The following CLSTN2 variants were observed in gnomAD, a reference collection of about 807,000 sequenced individuals.
The protein encoded by CLSTN2 is calsyntenin 2, also known as calsyntenin-2.
Under a neutral mutation model 101.2 loss-of-function variants are expected in CLSTN2, and 48 were observed. The observed-to-expected ratio is 0.47, with a 90% CI of 0.38 to 0.60. CLSTN2 has a LOEUF of 0.60. CLSTN2 is among the 20% of genes least tolerant of loss of function. The pLI is 0.00. For missense variants in CLSTN2, 1,160 were observed against 1,238.2 expected (o/e 0.94, Z 0.95); for synonymous variants, 481 against 463.6 (o/e 1.04, Z -0.48).
intron 2 of CLSTN2, among the ~76,000 whole-genome samples, chr3:140,313,725 G>A (rs1208658381): frequency 6.6e-6 from 1 of 152,220 alleles, no homozygotes; most frequent in South Asian, 2.1e-4. Flanking sequence ...AGTGAAGTGT[G>A]TCATGGGTAA....
chr3:140,270,382 C>T (rs1193484256), intron 2 of CLSTN2, among the ~76,000 whole-genome samples: 1 of 152,162 alleles, frequency 6.6e-6, no homozygotes, highest in Admixed American at 6.5e-5. Context: ...CTGTGGGAGA[C>T]AGGATGCTTT....
chr3:140,198,554 G>T (rs932960345), intron 2 of CLSTN2, among the ~76,000 whole-genome samples: 1 of 152,144 alleles, frequency 6.6e-6, no homozygotes, highest in African/African-American at 2.4e-5. Context: ...CTGGCTGTCA[G>T]CTGGGGGATG....
At chr3:140,048,946 T>C (rs2007935570) in intron 1 of CLSTN2, among the ~76,000 whole-genome samples, 1 of 152,202 alleles carries the variant, frequency 6.6e-6, no homozygotes, top group South Asian at 2.1e-4. Context: ...CCCTCCCGAT[T>C]TGACCAGCGG....
At chr3:139,990,064 T>C (rs1388376519) in intron 1 of CLSTN2, among the ~76,000 whole-genome samples, 1 of 152,212 alleles carries the variant, frequency 6.6e-6, no homozygotes, top group African/African-American at 2.4e-5. Flanking sequence ...CCTGTGAATC[T>C]TTTGTTGCTT....
At chr3:140,133,374 C>T (rs1474131303) in intron 1 of CLSTN2, among the ~76,000 whole-genome samples, 1 of 152,196 alleles carries the variant, frequency 6.6e-6, no homozygotes, top group Admixed American at 6.5e-5. Flanking sequence ...ATATCCAAAC[C>T]ATATCAGCAT....
chr3:139,998,336 CTTTTT>C (rs60541490), intron 1 of CLSTN2, among the ~76,000 whole-genome samples: 3 of 66,814 alleles, frequency 4.5e-5, no homozygotes, highest in East Asian at 6.5e-4. Context: ...CCCCACATGC[CTTTTT>C]TTTTTTTTTT....
chr3:140,103,364 G>A (rs985572611), intron 1 of CLSTN2, among the ~76,000 whole-genome samples: 3 of 152,162 alleles, frequency 2.0e-5, no homozygotes, highest in African/African-American at 7.2e-5. Flanking sequence ...AGAAGAGGCA[G>A]CTACCCCCTC....
chr3:140,177,719 G>A (rs1366248961), intron 2 of CLSTN2, among the ~76,000 whole-genome samples: 2 of 152,168 alleles, frequency 1.3e-5, no homozygotes, highest in African/African-American at 4.8e-5. Flanking sequence ...CTTGACTCAA[G>A]GAATTTTAGA....
chr3:140,071,856 T>C (rs1322905834), intron 1 of CLSTN2, among the ~76,000 whole-genome samples: 5 of 151,432 alleles, frequency 3.3e-5, no homozygotes, highest in African/African-American at 1.2e-4. Flanking sequence ...AATAAATAAA[T>C]AAATAAAAAA....
At chr3:140,552,405 A>ATT (rs1935720297) in intron 10 of CLSTN2, among the ~76,000 whole-genome samples, 2 of 150,402 alleles carry the variant, frequency 1.3e-5, no homozygotes, top group East Asian at 2.0e-4. Context: ...GCAGTTTAAA[A>ATT]AAAAAAAAAA....
chr3:140,557,585 G>A (rs142524524), intron 11 of CLSTN2, among the ~76,000 whole-genome samples: 2 of 152,272 alleles, frequency 1.3e-5, no homozygotes, highest in Non-Finnish European at 2.9e-5. Context: ...CCTGGCACAA[G>A]TGGGAGAAAA....
At chr3:140,052,390 T>C (rs2008014061) in intron 1 of CLSTN2, among the ~76,000 whole-genome samples, 1 of 152,154 alleles carries the variant, frequency 6.6e-6, no homozygotes, top group African/African-American at 2.4e-5. Flanking sequence ...ACTCCTGACC[T>C]AGTGATCCAC....
intron 1 of CLSTN2, among the ~76,000 whole-genome samples, chr3:140,098,508 G>A (rs193300369): frequency 5.7e-4 from 87 of 152,362 alleles, no homozygotes; most frequent in East Asian, 3.9e-3. Context: ...GGGAGACAGA[G>A]AAAGAGCTAT....
chr3:139,964,728 T>A (rs1447353833), intron 1 of CLSTN2, among the ~76,000 whole-genome samples: 1 of 152,188 alleles, frequency 6.6e-6, no homozygotes, highest in African/African-American at 2.4e-5. Flanking sequence ...CCCAGGAACC[T>A]GGACATTGTG....
At chr3:140,416,394 CAAG>C (rs1237424796) in intron 4 of CLSTN2, among the ~76,000 whole-genome samples, 1 of 151,970 alleles carries the variant, frequency 6.6e-6, no homozygotes, top group Non-Finnish European at 1.5e-5. Context: ...CACACACACA[CAAG>C]AAAGGTAACT....
intron 2 of CLSTN2, among the ~76,000 whole-genome samples, chr3:140,358,381 G>A (rs1380000401): frequency 6.6e-6 from 1 of 152,104 alleles, no homozygotes; most frequent in African/African-American, 2.4e-5. Context: ...TCCTTTTGGG[G>A]GAATTTTTAA....
At chr3:140,458,712 A>T (rs937119470) in intron 6 of CLSTN2, among the ~76,000 whole-genome samples, 4 of 152,252 alleles carry the variant, frequency 2.6e-5, no homozygotes, top group African/African-American at 9.6e-5. Flanking sequence ...AATGACAATG[A>T]TAACATGATA....
chr3:140,095,110 A>C (rs1229920030), intron 1 of CLSTN2, among the ~76,000 whole-genome samples: 1 of 152,216 alleles, frequency 6.6e-6, no homozygotes, highest in Non-Finnish European at 1.5e-5. Flanking sequence ...AGATTCTACT[A>C]ACTTAATTTC....
chr3:139,978,648 T>TTGTG (rs552137591), intron 1 of CLSTN2, among the ~76,000 whole-genome samples: 103 of 135,596 alleles, frequency 7.6e-4, no homozygotes, highest in African/African-American at 2.9e-3. Context: ...GGATGGGGGA[T>TTGTG]TGTGTGTGTG....
Sources: gnomAD v4.1 joint callset for allele counts (sites outside exome capture counted in the v4.1 genomes callset) on GRCh38, gnomAD v4.1.1 for gene constraint, MANE v1.5 for transcripts, NCBI Gene and HGNC (gene_info 2026-07-23, HGNC 2026-07-21) for gene names.